Variants in LDLRAD4 observed in about 807,000 individuals in gnomAD.
The protein encoded by LDLRAD4 is low-density lipoprotein receptor class A domain-containing protein 4.
LDLRAD4 carries 5 observed loss-of-function variants against 17.0 expected under a neutral mutation model. The observed-to-expected ratio is 0.29, with a 90% CI of 0.15 to 0.62. The LOEUF is 0.62. Ranked by LOEUF, LDLRAD4 falls within the 20% of genes least tolerant of loss-of-function variation. The probability of loss-of-function intolerance (pLI) is 0.84; values close to 1 mark genes in which losing one functional copy is unlikely to be tolerated. For missense variants in LDLRAD4, 340 were observed against 424.7 expected (o/e 0.80, Z 1.75); for synonymous variants, 168 against 171.8 (o/e 0.98, Z 0.17).
chr18:13,645,033 AAC>A lies in LDLRAD4; in HGVS notation c.391-87_391-86del. ...GGGAGATGGTGTTCAAACTGGTAGG[AAC>A]ACACACCAAGCGTAACTTTCCTTGA... On this transcript the variant is annotated intron_variant, in intron 5 of 5. Coordinates refer to ENST00000359446, the Ensembl canonical transcript of LDLRAD4. The surrounding 1 kb of genome is among the most constrained non-coding windows in gnomAD (Gnocchi z 5.7). 9.8e-7 allele frequency: 1 copy of A among 1,018,566 alleles called. No homozygotes were observed. Among genetic ancestry groups the A allele is most frequent in the Non-Finnish European group, 1.4e-6 (1 of 691,380 alleles). The allele number at this position is 1,018,566 out of a possible 1,614,324, so 63.1% of individuals were successfully genotyped here.
At chr18:13,590,429 T>C (rs918380087) in intron 3 of LDLRAD4, among the ~76,000 whole-genome samples, 5 of 152,268 alleles carry the variant, frequency 3.3e-5, no homozygotes, top group African/African-American at 1.2e-4. Flanking sequence ...GAAAATCAAA[T>C]GGCCCCAAAT....
chr18:13,403,244 A>G (rs2087391063), intron 2 of LDLRAD4, among the ~76,000 whole-genome samples: 1 of 152,186 alleles, frequency 6.6e-6, no homozygotes, highest in Non-Finnish European at 1.5e-5. Flanking sequence ...GTTCATTTAT[A>G]AAGTTTCTTT....
chr18:13,482,353 G>A (rs2093112002), intron 3 of LDLRAD4, among the ~76,000 whole-genome samples: 1 of 152,218 alleles, frequency 6.6e-6, no homozygotes, highest in African/African-American at 2.4e-5. Flanking sequence ...AGGCCCTGCA[G>A]ACCACGCCAT....
intron 1 of LDLRAD4, among the ~76,000 whole-genome samples, chr18:13,290,021 A>T (rs1294131339): frequency 6.6e-6 from 1 of 152,152 alleles, no homozygotes; most frequent in Non-Finnish European, 1.5e-5. Flanking sequence ...GTGTGGGCAG[A>T]CGTGGTGGGC....
intron 3 of LDLRAD4, among the ~76,000 whole-genome samples, chr18:13,498,211 G>A: frequency 6.7e-6 from 1 of 150,280 alleles, no homozygotes; most frequent in East Asian, 2.0e-4. Context: ...TCCTGCCGTG[G>A]ACACTGGAGA....
rs571720448 is a variant in LDLRAD4, at chr18:13,300,862, A to G, written c.-383+22674A>G. On this transcript the variant is annotated intron_variant, in intron 1 of 5. Coordinates refer to ENST00000359446, the Ensembl canonical transcript of LDLRAD4. This position sits in a 1 kb window ranked among gnomAD's most constrained non-coding sequence, Gnocchi z 4.2. ...CAGAGATGGGGTGTGGGAAGGAAGG[A>G]AGGGTGGTGAACTGGGAGCCGGCAG... Among the ~76,000 whole-genome samples the G allele has an allele frequency of 2.6e-5, 4 of 152,228 alleles. No homozygotes were observed. The highest frequency in any genetic ancestry group is 7.2e-5 in the African/African-American group (3 of 41,534).
At chr18:13,580,332 T>C (rs2094839187) in intron 3 of LDLRAD4, among the ~76,000 whole-genome samples, 1 of 152,214 alleles carries the variant, frequency 6.6e-6, no homozygotes, top group Non-Finnish European at 1.5e-5. Flanking sequence ...CCACCTTGGC[T>C]TTCTTGGCTT....
rs74441736 is a variant in LDLRAD4 at position 13,537,145 on chromosome 18, T to C, written c.182-83972T>C. On this transcript the variant is annotated intron_variant, in intron 3 of 5. Transcript: ENST00000359446. ...GAGTAGTATTGGTTCATAAAATGAATAGAGAAATTGTCCTGTTTCCTCTAT... is the reference window on the plus strand; with the variant it reads ...GAGTAGTATTGGTTCATAAAATGAACAGAGAAATTGTCCTGTTTCCTCTAT... Among the ~76,000 whole-genome samples, 384 of 152,356 alleles carry C rather than the reference T, an allele frequency of 2.5e-3. 2 individuals carry two copies. Among genetic ancestry groups the C allele is most frequent in the African/African-American group, 8.7e-3 (360 of 41,582 alleles).
At chr18:13,329,518 G>A (rs906341205) in intron 1 of LDLRAD4, among the ~76,000 whole-genome samples, 3 of 152,116 alleles carry the variant, frequency 2.0e-5, no homozygotes, top group African/African-American at 4.8e-5. Flanking sequence ...TGTAGATGAT[G>A]TGGTCAAATC....
intron 3 of LDLRAD4, chr18:13,471,080 TA>T (rs1266962988): frequency 6.6e-6 from 1 of 152,236 alleles, no homozygotes; most frequent in African/African-American, 2.4e-5. Flanking sequence ...TGGAGATTGT[TA>T]ATGATGTCAT....
chr18:13,353,493 G>T (rs1201487259), intron 1 of LDLRAD4, among the ~76,000 whole-genome samples: 1 of 152,156 alleles, frequency 6.6e-6, no homozygotes, highest in Non-Finnish European at 1.5e-5. Context: ...GTATTCCTCT[G>T]CCTGCAGTCT....
chr18:13,377,325 G>A (rs118097785), intron 1 of LDLRAD4, among the ~76,000 whole-genome samples: 3 of 152,284 alleles, frequency 2.0e-5, no homozygotes, highest in South Asian at 2.1e-4. Flanking sequence ...ACTAGGCTGC[G>A]TCACGTCTGT....
chr18:13,540,188 T>A (rs1423029436), intron 3 of LDLRAD4, among the ~76,000 whole-genome samples: 1 of 152,272 alleles, frequency 6.6e-6, no homozygotes, highest in Non-Finnish European at 1.5e-5. Context: ...TCTGTGTTTG[T>A]CTTTTTTAAA....
chr18:13,267,980 C>G (rs1193675144), intron 1 of LDLRAD4, among the ~76,000 whole-genome samples: 2 of 152,218 alleles, frequency 1.3e-5, no homozygotes, highest in African/African-American at 4.8e-5. Context: ...CCTCCCACCT[C>G]CCCTCTGTAG....
chr18:13,572,299 C>T (rs904093459), intron 3 of LDLRAD4, among the ~76,000 whole-genome samples: 4 of 152,232 alleles, frequency 2.6e-5, no homozygotes, highest in Non-Finnish European at 5.9e-5. Flanking sequence ...TGCTGCTGAG[C>T]CACCCCTGGC....
intron 1 of LDLRAD4, among the ~76,000 whole-genome samples, chr18:13,268,949 C>T (rs1470618112): frequency 6.6e-6 from 1 of 152,210 alleles, no homozygotes; most frequent in African/African-American, 2.4e-5. Flanking sequence ...CAACTTTTTA[C>T]CCTGCATTCT....
chr18:13,250,166 A>G (rs547651926), intron 1 of LDLRAD4, among the ~76,000 whole-genome samples: 16 of 152,244 alleles, frequency 1.1e-4, no homozygotes, highest in African/African-American at 2.6e-4. Flanking sequence ...ATTCTGTTCC[A>G]TTGATCTATG....
intron 3 of LDLRAD4, chr18:13,543,031 C>T (rs2094308554): frequency 6.6e-6 from 1 of 152,146 alleles, no homozygotes; most frequent in South Asian, 2.1e-4. Context: ...ATTTTTTACA[C>T]CTGGAGCAGC....
chr18:13,645,071 T>G lies in LDLRAD4; in HGVS notation c.391-56T>G. ...CGTAACTTTCCTTGATTCTGACACA[T>G]TTATGGTCATCATTGCGCTCAAACT... is the stretch of plus-strand genomic sequence containing the variant. On this transcript the variant is annotated intron_variant, in intron 5 of 5. Transcript: ENST00000359446. This position sits in a 1 kb window ranked among gnomAD's most constrained non-coding sequence, Gnocchi z 5.7. 1.4e-6 allele frequency: 2 copies of G among 1,420,498 alleles called. No individual in the cohort carries two copies. The highest frequency in any genetic ancestry group is 1.9e-6 in the Non-Finnish European group (2 of 1,036,756). 88.0% of individuals were successfully genotyped at this position (1,420,498 alleles called of 1,614,324 possible).
Sources: allele counts gnomAD v4.1 joint callset (sites outside exome capture counted in the v4.1 genomes callset), GRCh38; gene constraint gnomAD v4.1.1; non-coding constraint Gnocchi (gnomAD v3.1); transcripts MANE v1.5; gene names NCBI Gene and HGNC (gene_info 2026-07-23, HGNC 2026-07-21).